CELF4: variants seen among roughly 807,000 people sequenced by gnomAD.
CELF4 encodes CUG-BP- and ETR-3-like factor 4.
In CELF4, 18 loss-of-function variants were observed where a neutral mutation model predicts 59.9. The observed-to-expected ratio is 0.30, with a 90% CI of 0.21 to 0.45. CELF4 has a LOEUF of 0.45. Among genes scored for constraint, CELF4 ranks in the 20% least tolerant of loss-of-function variants. CELF4 has a pLI of 1.00. For synonymous variants in CELF4, 261 were observed against 267.1 expected (o/e 0.98, Z 0.22); for missense variants, 456 against 689.0 (o/e 0.66, Z 3.79).
At chr18:37,262,549 G>A (rs1256919088) in intron 10 of CELF4, among the ~76,000 whole-genome samples, 1 of 152,194 alleles carries the variant, frequency 6.6e-6, no homozygotes, top group African/African-American at 2.4e-5. Flanking sequence ...CTGCAGTAGG[G>A]GCTGTCATGT....
chr18:37,340,380 T>G (rs778313712), intron 2 of CELF4, among the ~76,000 whole-genome samples: 80 of 152,308 alleles, frequency 5.3e-4, no homozygotes, highest in Middle Eastern at 3.4e-3. Context: ...CAGACCAACA[T>G]GACAGTGCTC....
At chr18:37,432,224 C>T (rs1044265725) in intron 2 of CELF4, among the ~76,000 whole-genome samples, 1 of 152,216 alleles carries the variant, frequency 6.6e-6, no homozygotes, top group African/African-American at 2.4e-5. Flanking sequence ...ACCTTCTCTT[C>T]TGTGCAGCAG....
intron 2 of CELF4, among the ~76,000 whole-genome samples, chr18:37,358,900 G>A (rs1281584188): frequency 2.6e-5 from 4 of 152,096 alleles, no homozygotes; most frequent in Non-Finnish European, 4.4e-5. Context: ...TCAGGAGTTC[G>A]AGACCAGCCT....
intron 6 of CELF4, chr18:37,273,808 C>A (rs1247981948): frequency 1.0e-6 from 1 of 989,374 alleles, no homozygotes; most frequent in African/African-American, 1.7e-5. Flanking sequence ...CAGAGTGGGC[C>A]CCCATGTGGA....
At chr18:37,513,369 T>C (rs1281229545) in intron 1 of CELF4, among the ~76,000 whole-genome samples, 1 of 152,194 alleles carries the variant, frequency 6.6e-6, no homozygotes, top group East Asian at 1.9e-4. Context: ...AGGCACAGTG[T>C]GAGCAAACTG....
intron 2 of CELF4, among the ~76,000 whole-genome samples, chr18:37,464,836 G>A (rs1274252937): frequency 6.6e-6 from 1 of 152,204 alleles, no homozygotes; most frequent in Non-Finnish European, 1.5e-5. Flanking sequence ...TGGCAATGCT[G>A]CCCGAAAGGA....
chr18:37,265,388 A>AC (rs1290777209), intron 9 of CELF4, among the ~76,000 whole-genome samples: 1 of 152,168 alleles, frequency 6.6e-6, no homozygotes, highest in Non-Finnish European at 1.5e-5. Context: ...AATTAAAAAC[A>AC]CCAAAATGGC....
At chr18:37,320,362 C>T (rs2097063943) in intron 3 of CELF4, among the ~76,000 whole-genome samples, 1 of 150,458 alleles carries the variant, frequency 6.6e-6, no homozygotes, top group East Asian at 1.9e-4. Context: ...AAAAAGGCCC[C>T]AACTCCTTAC....
chr18:37,295,772 C>A (rs4799910), intron 3 of CELF4, among the ~76,000 whole-genome samples: 3 of 151,986 alleles, frequency 2.0e-5, no homozygotes, highest in Non-Finnish European at 4.4e-5. Context: ...ATACAGCATC[C>A]GAAGGGAGGC....
intron 2 of CELF4, among the ~76,000 whole-genome samples, chr18:37,333,447 T>C (rs1412055477): frequency 6.6e-6 from 1 of 151,798 alleles, no homozygotes; most frequent in African/African-American, 2.4e-5. Flanking sequence ...AGTATTTCCA[T>C]CACTTTTGAG....
chr18:37,375,186 G>A (rs760704598), intron 2 of CELF4, among the ~76,000 whole-genome samples: 5 of 152,160 alleles, frequency 3.3e-5, no homozygotes, highest in Non-Finnish European at 7.4e-5. Flanking sequence ...CCTCCTTGCC[G>A]CAGAGTATAA....
At chr18:37,316,400 G>A (rs2096871404) in intron 3 of CELF4, among the ~76,000 whole-genome samples, 1 of 152,100 alleles carries the variant, frequency 6.6e-6, no homozygotes, top group Non-Finnish European at 1.5e-5. Context: ...GATGACTCCT[G>A]GGGAGGCTCT....
intron 1 of CELF4, among the ~76,000 whole-genome samples, chr18:37,506,534 C>T (rs77819117): frequency 0.016 from 2,437 of 152,308 alleles, 69 homozygotes; most frequent in African/African-American, 0.055. Context: ...TCTATGCCAT[C>T]CCAGGAAGGC....
At chr18:37,376,919 G>A (rs1482271673) in intron 2 of CELF4, among the ~76,000 whole-genome samples, 1 of 152,090 alleles carries the variant, frequency 6.6e-6, no homozygotes, top group Non-Finnish European at 1.5e-5. Context: ...GGTACACCTG[G>A]GTTAATAATG....
rs111353176 is a variant in CELF4, at chr18:37,329,283, A to T, written c.370-7402T>A. 2.1e-3 allele frequency among the ~76,000 whole-genome samples: 326 copies of T among 152,320 alleles called. 1 individual carries two copies. Among genetic ancestry groups the T allele is most frequent in the African/African-American group, 7.5e-3 (311 of 41,576 alleles). ...CTGCCTCAGACACAGGGGCCCTCAC[A>T]GGCCCCTGGAGTCCCACCTGCAACC... On this transcript the variant is annotated intron_variant, in intron 2 of 12. Transcript: ENST00000420428.
chr18:37,403,010 T>A (rs886896556), intron 2 of CELF4, among the ~76,000 whole-genome samples: 1 of 152,048 alleles, frequency 6.6e-6, no homozygotes, highest in African/African-American at 2.4e-5. Context: ...GGGTGGCATC[T>A]TTTCCCTCAC....
rs2062031795 is a variant in CELF4 at position 37,246,211 on chromosome 18, A to G, written c.*45-1014T>C. Among the ~76,000 whole-genome samples, 2 of 152,212 alleles carry G rather than the reference A, an allele frequency of 1.3e-5. No individual in the cohort carries two copies. Among genetic ancestry groups the G allele is most frequent in the African/African-American group, 2.4e-5 (1 of 41,454 alleles). On this transcript the variant is annotated intron_variant, in intron 12 of 12. Coordinates refer to ENST00000420428, the MANE Select transcript of CELF4 (RefSeq NM_020180.4). This position sits in a 1 kb window ranked among gnomAD's most constrained non-coding sequence, Gnocchi z 5.3. ...AGGGGACAACGTCATGCGTATATCA[A>G]TCCATGCTGGCAGGTTTTTCACACT...
chr18:37,449,539 C>T (rs1211962734), intron 2 of CELF4, among the ~76,000 whole-genome samples: 2 of 152,072 alleles, frequency 1.3e-5, no homozygotes, highest in Admixed American at 6.5e-5. Context: ...GGGGATACAG[C>T]GGTAAACAAA....
chr18:37,245,940 G>A lies in CELF4; in HGVS notation c.*45-743C>T, dbSNP rs866381449. ...GGATGGGAAAACCTAAAAAAGGTCA[G>A]AAGAGATTTAATTATCAAACTTAAA... is the stretch of plus-strand genomic sequence containing the variant. On this transcript the variant is annotated intron_variant, in intron 12 of 12. Coordinates refer to ENST00000420428, the MANE Select transcript of CELF4 (RefSeq NM_020180.4). The surrounding 1 kb of genome is among the most constrained non-coding windows in gnomAD (Gnocchi z 4.1). Among the ~76,000 whole-genome samples, 53 of 152,296 alleles carry A rather than the reference G, an allele frequency of 3.5e-4. No individual in the cohort carries two copies. The highest frequency in any genetic ancestry group is 1.2e-3 in the African/African-American group (50 of 41,564).
Sources: gnomAD v4.1 joint callset for allele counts (sites outside exome capture counted in the v4.1 genomes callset) on GRCh38, gnomAD v4.1.1 for gene constraint, Gnocchi (gnomAD v3.1) non-coding constraint, MANE v1.5 for transcripts, NCBI Gene and HGNC (gene_info 2026-07-23, HGNC 2026-07-21) for gene names.